Variants in RBFOX1 observed in about 807,000 individuals in gnomAD.
RBFOX1 encodes RNA binding protein fox-1 homolog 1.
Under a neutral mutation model 57.7 loss-of-function variants are expected in RBFOX1, and 8 were observed. The ratio of observed to expected loss-of-function variants is 0.14; its 90% CI spans 0.08 to 0.25. The LOEUF (loss-of-function observed/expected upper bound fraction) is 0.25. Among genes scored for constraint, RBFOX1 ranks in the 10% least tolerant of loss-of-function variants. RBFOX1 has a pLI of 1.00. For synonymous variants in RBFOX1, 326 were observed against 222.4 expected, an observed-to-expected ratio of 1.47 and a Z score of -4.15; for missense variants, 611 against 548.5, an observed-to-expected ratio of 1.11 and a Z score of -1.14.
At chr16:5,271,393 A>C (rs2063002671) in intron 1 of RBFOX1, among the ~76,000 whole-genome samples, 1 of 152,096 alleles carries the variant, frequency 6.6e-6, no homozygotes. Flanking sequence ...ATACATACAT[A>C]CCCAGGCTCT....
At chr16:5,516,133 C>T (rs923481023) in intron 2 of RBFOX1, among the ~76,000 whole-genome samples, 5 of 152,176 alleles carry the variant, frequency 3.3e-5, no homozygotes, top group Admixed American at 6.5e-5. Flanking sequence ...CTTCTGAGTC[C>T]TGTGTCTGGT....
At chr16:7,492,248 A>T (rs1431278902) in intron 4 of RBFOX1, among the ~76,000 whole-genome samples, 1 of 152,236 alleles carries the variant, frequency 6.6e-6, no homozygotes, top group Non-Finnish European at 1.5e-5. Flanking sequence ...TAAAAATTCA[A>T]ATAAAAGGAA....
intron 3 of RBFOX1, among the ~76,000 whole-genome samples, chr16:5,795,974 T>A (rs141519433): frequency 6.6e-6 from 1 of 152,352 alleles, no homozygotes; most frequent in East Asian, 1.9e-4. Flanking sequence ...TCAAAGACTT[T>A]GGCAGTACAG....
intron 11 of RBFOX1, among the ~76,000 whole-genome samples, chr16:7,636,845 C>CAGAG (rs541420526): frequency 2.5e-5 from 3 of 119,298 alleles, no homozygotes; most frequent in African/African-American, 5.7e-5. Context: ...CAGAGAGAAA[C>CAGAG]AGAGAGAGAG....
intron 3 of RBFOX1, chr16:6,704,870 T>C (rs1875770275): frequency 6.6e-6 from 1 of 152,248 alleles, no homozygotes; most frequent in Non-Finnish European, 1.5e-5. Context: ...TGGGTTTGTT[T>C]TGCTTCAGTT....
At chr16:6,818,292 C>T (rs549372860) in intron 3 of RBFOX1, among the ~76,000 whole-genome samples, 20 of 152,120 alleles carry the variant, frequency 1.3e-4, no homozygotes, top group Middle Eastern at 3.4e-3. Flanking sequence ...CCTGTGTGTG[C>T]GTCTTTCATT....
At chr16:7,675,280 A>G (rs555634141) in intron 13 of RBFOX1, among the ~76,000 whole-genome samples, 1 of 152,292 alleles carries the variant, frequency 6.6e-6, no homozygotes, top group African/African-American at 2.4e-5. Context: ...CTTTGGTTTT[A>G]TAACTCCTCA....
chr16:6,737,090 A>C (rs564488915), intron 3 of RBFOX1, among the ~76,000 whole-genome samples: 15 of 152,316 alleles, frequency 9.8e-5, no homozygotes, highest in Middle Eastern at 6.8e-3. Context: ...GTGAAAAATC[A>C]GTTCTGAGTA....
chr16:5,654,795 C>G (rs1334712935), intron 3 of RBFOX1, among the ~76,000 whole-genome samples: 1 of 152,050 alleles, frequency 6.6e-6, no homozygotes, highest in Non-Finnish European at 1.5e-5. Flanking sequence ...TCTTTCCTCT[C>G]TCTCTCTCTC....
intron 4 of RBFOX1, among the ~76,000 whole-genome samples, chr16:7,195,816 G>C (rs928168091): frequency 1.3e-5 from 2 of 152,234 alleles, no homozygotes; most frequent in South Asian, 2.1e-4. Context: ...GCCTCCCAAA[G>C]TGCTGGGGTT....
chr16:7,348,213 C>G (rs1016571646), intron 4 of RBFOX1, among the ~76,000 whole-genome samples: 6 of 152,136 alleles, frequency 3.9e-5, no homozygotes, highest in African/African-American at 1.4e-4. Context: ...GATACATAAA[C>G]CACAATCCGC....
intron 4 of RBFOX1, among the ~76,000 whole-genome samples, chr16:7,491,849 G>T (rs1366022965): frequency 6.6e-6 from 1 of 152,062 alleles, no homozygotes; most frequent in Non-Finnish European, 1.5e-5. Context: ...GAATTTTAAG[G>T]AAGAATTTGA....
At chr16:7,054,098 T>G (rs926234928) in intron 4 of RBFOX1, among the ~76,000 whole-genome samples, 4 of 150,936 alleles carry the variant, frequency 2.7e-5, no homozygotes, top group Non-Finnish European at 4.4e-5. Flanking sequence ...TCTCTGTCTT[T>G]CCATCTCTTT....
At chr16:6,808,268 G>C (rs1272714394) in intron 3 of RBFOX1, among the ~76,000 whole-genome samples, 1 of 151,124 alleles carries the variant, frequency 6.6e-6, no homozygotes, top group African/African-American at 2.4e-5. Context: ...CCATCACTTT[G>C]GAATTACCTC....
intron 3 of RBFOX1, among the ~76,000 whole-genome samples, chr16:7,000,353 A>G (rs943207097): frequency 6.6e-6 from 1 of 152,006 alleles, no homozygotes; most frequent in Admixed American, 6.6e-5. Context: ...ACATCTCTCA[A>G]GTTTCTTTTA....
chr16:5,301,082 A>C (rs956845526), intron 1 of RBFOX1, among the ~76,000 whole-genome samples: 1 of 152,150 alleles, frequency 6.6e-6, no homozygotes. Context: ...CTAGTGACTC[A>C]CTTGTAATGA....
chr16:6,857,424 C>A (rs541789513), intron 3 of RBFOX1, among the ~76,000 whole-genome samples: 1 of 152,072 alleles, frequency 6.6e-6, no homozygotes, highest in Non-Finnish European at 1.5e-5. Context: ...ATCCCATGTA[C>A]GCCAGCTGAA....
At chr16:5,500,012 G>T (rs189892310) in intron 2 of RBFOX1, among the ~76,000 whole-genome samples, 18 of 151,494 alleles carry the variant, frequency 1.2e-4, no homozygotes, top group Non-Finnish European at 2.2e-4. Flanking sequence ...TCCCATTCTC[G>T]CATTTGCCTA....
intron 4 of RBFOX1, among the ~76,000 whole-genome samples, chr16:7,295,477 T>TTA: frequency 6.6e-6 from 1 of 152,260 alleles, no homozygotes; most frequent in South Asian, 2.1e-4. Flanking sequence ...TTTTTATGAC[T>TTA]TATATATATT....
Sources: gnomAD v4.1 joint callset for allele counts (sites outside exome capture counted in the v4.1 genomes callset) on GRCh38, gnomAD v4.1.1 for gene constraint, MANE v1.5 for transcripts, NCBI Gene and HGNC (gene_info 2026-07-23, HGNC 2026-07-21) for gene names.